The following LUZP2 variants were observed in gnomAD, a reference collection of about 807,000 sequenced individuals.
The protein encoded by LUZP2 is leucine zipper protein 2.
A neutral mutation model predicts 51.6 loss-of-function variants in LUZP2; 52 were observed. That is an observed-to-expected ratio of 1.01 (90% confidence interval 0.81 to 1.27). The LOEUF is 1.27. LUZP2 is among the 50% of genes most tolerant of loss of function. The pLI, the probability that LUZP2 is intolerant of heterozygous loss-of-function variation, is 0.00. For missense variants in LUZP2, 436 were observed against 395.4 expected, an observed-to-expected ratio of 1.10 and a Z score of -0.87; for synonymous variants, 154 against 137.3, an observed-to-expected ratio of 1.12 and a Z score of -0.85.
intron 1 of LUZP2, among the ~76,000 whole-genome samples, chr11:24,671,830 A>C (rs143612454): frequency 1.7e-3 from 261 of 152,290 alleles, no homozygotes; most frequent in Middle Eastern, 0.017. Context: ...AAGGTAGCCC[A>C]TGTAATCAAT....
At chr11:24,840,877 T>C (rs1210554735) in intron 5 of LUZP2, among the ~76,000 whole-genome samples, 1 of 151,998 alleles carries the variant, frequency 6.6e-6, no homozygotes, top group Non-Finnish European at 1.5e-5. Flanking sequence ...ATCCAAAATA[T>C]TCAATGCTAG....
intron 1 of LUZP2, among the ~76,000 whole-genome samples, chr11:24,719,709 G>A (rs919951917): frequency 6.6e-6 from 1 of 152,124 alleles, no homozygotes; most frequent in Non-Finnish European, 1.5e-5. Context: ...TCTTGAATCT[G>A]GCCTGAACTT....
intron 7 of LUZP2, among the ~76,000 whole-genome samples, chr11:24,959,959 A>G (rs1033131049): frequency 3.3e-5 from 5 of 152,116 alleles, no homozygotes; most frequent in African/African-American, 1.2e-4. Flanking sequence ...TTTTAGCATG[A>G]AGGTTGTTGA....
chr11:25,009,565 T>A (rs1856926905), intron 9 of LUZP2, among the ~76,000 whole-genome samples: 1 of 152,152 alleles, frequency 6.6e-6, no homozygotes, highest in South Asian at 2.1e-4. Context: ...CATTTTCTTT[T>A]AAATATGTAT....
intron 1 of LUZP2, among the ~76,000 whole-genome samples, chr11:24,680,973 A>T (rs35658468): frequency 1.8e-5 from 2 of 113,710 alleles, no homozygotes; most frequent in East Asian, 2.7e-4. Flanking sequence ...TTCTTTCTTT[A>T]TTTTTTTTTT....
At chr11:24,754,223 C>T (rs548084437) in intron 4 of LUZP2, among the ~76,000 whole-genome samples, 14 of 152,290 alleles carry the variant, frequency 9.2e-5, no homozygotes, top group African/African-American at 3.4e-4. Flanking sequence ...TCTTGAACTC[C>T]TGGCCTCAAG....
intron 1 of LUZP2, among the ~76,000 whole-genome samples, chr11:24,512,341 T>TG: frequency 6.6e-6 from 1 of 152,158 alleles, no homozygotes; most frequent in Non-Finnish European, 1.5e-5. Context: ...AACCTTCATT[T>TG]TTTTATAAAT....
At chr11:24,625,714 A>G (rs1272610672) in intron 1 of LUZP2, among the ~76,000 whole-genome samples, 1 of 152,116 alleles carries the variant, frequency 6.6e-6, no homozygotes, top group African/African-American at 2.4e-5. Context: ...TAAAAAAAAA[A>G]AAAATCAAAG....
intron 1 of LUZP2, among the ~76,000 whole-genome samples, chr11:24,714,711 T>C (rs551003403): frequency 1.1e-3 from 161 of 152,298 alleles, no homozygotes; most frequent in African/African-American, 3.5e-3. Context: ...CCTCCAATTT[T>C]CTGCCAAAAT....
chr11:24,500,681 A>C (rs531619773), intron 1 of LUZP2, among the ~76,000 whole-genome samples: 1 of 152,202 alleles, frequency 6.6e-6, no homozygotes, highest in Non-Finnish European at 1.5e-5. Context: ...TTAACTTTTA[A>C]ATGACTTAAT....
At chr11:24,627,541 A>G (rs991641903) in intron 1 of LUZP2, among the ~76,000 whole-genome samples, 1 of 152,200 alleles carries the variant, frequency 6.6e-6, no homozygotes, top group African/African-American at 2.4e-5. Context: ...TGATCCCAGG[A>G]AGGCCAAGAA....
intron 9 of LUZP2, among the ~76,000 whole-genome samples, chr11:25,044,255 G>GTATA (rs1297961732): frequency 1.6e-3 from 66 of 42,376 alleles, no homozygotes; most frequent in South Asian, 4.4e-3. Flanking sequence ...GTGTGTGTGT[G>GTATA]TGTATATATA....
At chr11:24,806,272 G>A (rs1204072149) in intron 5 of LUZP2, among the ~76,000 whole-genome samples, 8 of 152,072 alleles carry the variant, frequency 5.3e-5, no homozygotes, top group Non-Finnish European at 1.2e-4. Flanking sequence ...TTAAATATTC[G>A]GGAATTTTGT....
intron 7 of LUZP2, among the ~76,000 whole-genome samples, chr11:24,957,899 C>T (rs1855257049): frequency 1.3e-5 from 2 of 152,128 alleles, no homozygotes; most frequent in African/African-American, 4.8e-5. Context: ...TGCTATCCCT[C>T]CCCTCCCCAA....
intron 5 of LUZP2, among the ~76,000 whole-genome samples, chr11:24,898,616 C>G (rs982555983): frequency 7.0e-6 from 1 of 141,896 alleles, no homozygotes. Flanking sequence ...GAGCAAGACT[C>G]TGTGTCAGGA....
intron 9 of LUZP2, among the ~76,000 whole-genome samples, chr11:25,017,480 C>G (rs540681898): frequency 6.6e-6 from 1 of 152,238 alleles, no homozygotes; most frequent in African/African-American, 2.4e-5. Flanking sequence ...CTACATGTGG[C>G]TATCCAGTTT....
At chr11:24,667,184 C>CTTTT (rs199740839) in intron 1 of LUZP2, among the ~76,000 whole-genome samples, 16 of 132,042 alleles carry the variant, frequency 1.2e-4, no homozygotes, top group Middle Eastern at 3.9e-3. Context: ...TTCTTTTTTT[C>CTTTT]TTTTTTTTTT....
chr11:25,039,764 TA>T (rs775588538), intron 9 of LUZP2, among the ~76,000 whole-genome samples: 3 of 152,212 alleles, frequency 2.0e-5, no homozygotes, highest in African/African-American at 7.2e-5. Flanking sequence ...TGGAACAGAT[TA>T]TTTTTTTATT....
At chr11:24,950,501 T>C (rs1565149158) in intron 7 of LUZP2, among the ~76,000 whole-genome samples, 1 of 151,634 alleles carries the variant, frequency 6.6e-6, no homozygotes, top group Non-Finnish European at 1.5e-5. Context: ...ATTTGATCTC[T>C]ATTTTGACAG....
Sources: allele counts gnomAD v4.1 joint callset (sites outside exome capture counted in the v4.1 genomes callset), GRCh38; gene constraint gnomAD v4.1.1; transcripts MANE v1.5; gene names NCBI Gene and HGNC (gene_info 2026-07-23, HGNC 2026-07-21).